UNC13C: variants seen among roughly 807,000 people sequenced by gnomAD.
UNC13C encodes unc-13 homolog C, also known as protein unc-13 homolog C.
UNC13C carries 174 observed loss-of-function variants against 245.4 expected under a neutral mutation model. The observed-to-expected ratio is 0.71, with a 90% confidence interval of 0.63 to 0.80. The LOEUF is 0.80. UNC13C is among the 30% of genes least tolerant of loss of function. The probability of loss-of-function intolerance (pLI) is 0.00; values close to 1 mark genes in which losing one functional copy is unlikely to be tolerated. For missense variants in UNC13C, 2,829 were observed against 2,602.9 expected, an observed-to-expected ratio of 1.09 and a Z score of -1.89; for synonymous variants, 992 against 895.1, an observed-to-expected ratio of 1.11 and a Z score of -1.93.
At chr15:54,492,451 C>A (rs996126505) in intron 19 of UNC13C, among the ~76,000 whole-genome samples, 2 of 151,846 alleles carry the variant, frequency 1.3e-5, no homozygotes, top group Non-Finnish European at 2.9e-5. Context: ...ATTAAATGGC[C>A]ATCTAGTTGG....
chr15:54,617,145 C>CCGT lies in UNC13C; in HGVS notation c.6107-5180_6107-5178dup, dbSNP rs200118731. ...CTAACACATTTTTCAGAATTTATGC[C>CCGT]CGTCATTAAGTGACATGTGACTGTA... is the stretch of plus-strand genomic sequence containing the variant. On this transcript the variant is annotated intron_variant, in intron 30 of 32. Coordinates refer to ENST00000260323, the MANE Select transcript of UNC13C (RefSeq NM_001080534.3). Among the ~76,000 whole-genome samples the CCGT allele has an allele frequency of 7.9e-3, 1,201 of 152,118 alleles. 11 individuals are homozygous for CCGT. The highest frequency in any genetic ancestry group is 0.028 in the African/African-American group (1,164 of 41,522).
At chr15:54,173,466 A>T (rs1199658892) in intron 4 of UNC13C, among the ~76,000 whole-genome samples, 2 of 152,060 alleles carry the variant, frequency 1.3e-5, no homozygotes, top group Non-Finnish European at 2.9e-5. Context: ...AAAGTATTTT[A>T]TAGTTTTGGA....
At chr15:54,469,664 A>T (rs1489013278) in intron 19 of UNC13C, among the ~76,000 whole-genome samples, 5 of 151,646 alleles carry the variant, frequency 3.3e-5, no homozygotes, top group African/African-American at 4.8e-5. Context: ...TCAGGGTAGT[A>T]CTTGGTACAC....
At chr15:54,544,210 T>C (rs1286116099) in intron 26 of UNC13C, among the ~76,000 whole-genome samples, 2 of 152,142 alleles carry the variant, frequency 1.3e-5, no homozygotes, top group Admixed American at 1.3e-4. Flanking sequence ...ATTATCTCAA[T>C]GGATGCAGAA....
At chr15:54,028,770 A>G (rs1595736366) in intron 2 of UNC13C, among the ~76,000 whole-genome samples, 1 of 133,772 alleles carries the variant, frequency 7.5e-6, no homozygotes, top group Non-Finnish European at 1.5e-5. Flanking sequence ...GGCTCACCGC[A>G]AGCTCCACCT....
At chr15:53,876,945 A>G in the UNC13C span, among the ~76,000 whole-genome samples, 1 of 152,164 alleles carries the variant, frequency 6.6e-6, no homozygotes, top group African/African-American at 2.4e-5. Flanking sequence ...GTGCCAAGAG[A>G]GTAAATCACG....
At chr15:53,853,046 A>C in the UNC13C span, among the ~76,000 whole-genome samples, 1 of 151,350 alleles carries the variant, frequency 6.6e-6, no homozygotes, top group Non-Finnish European at 1.5e-5. Context: ...ACAATGGTAC[A>C]TGTGTAGGAT....
chr15:54,516,799 C>CAAAAAAAAAA (rs59628073), intron 24 of UNC13C, among the ~76,000 whole-genome samples: 11 of 123,606 alleles, frequency 8.9e-5, no homozygotes, highest in East Asian at 2.3e-4. Context: ...GATGCTGTCT[C>CAAAAAAAAAA]AAAAAAAAAA....
chr15:53,945,730 T>G, the UNC13C span, among the ~76,000 whole-genome samples: 1 of 151,638 alleles, frequency 6.6e-6, no homozygotes, highest in Non-Finnish European at 1.5e-5. Context: ...TATTTGAGCT[T>G]TTTTTTTGGT....
At chr15:53,915,155 CA>C in the UNC13C span, among the ~76,000 whole-genome samples, 1 of 152,182 alleles carries the variant, frequency 6.6e-6, no homozygotes, top group Admixed American at 6.5e-5. Flanking sequence ...AAAACTGCCA[CA>C]GGGGCCTGTG....
chr15:54,187,340 A>G (rs185266575), intron 4 of UNC13C, among the ~76,000 whole-genome samples: 1 of 152,222 alleles, frequency 6.6e-6, no homozygotes, highest in African/African-American at 2.4e-5. Flanking sequence ...AGAGTGGGCT[A>G]TTTCAAAATG....
At chr15:54,462,778 C>T (rs967512537) in intron 19 of UNC13C, among the ~76,000 whole-genome samples, 64 of 152,308 alleles carry the variant, frequency 4.2e-4, no homozygotes, top group African/African-American at 1.3e-3. Context: ...CCCTGACGGG[C>T]GCCACCCCCT....
intron 19 of UNC13C, among the ~76,000 whole-genome samples, chr15:54,460,226 G>A (rs1302687958): frequency 2.0e-5 from 3 of 152,230 alleles, no homozygotes; most frequent in Admixed American, 2.0e-4. Flanking sequence ...TGTTTGTAAA[G>A]AGTCCTGTGA....
intron 17 of UNC13C, among the ~76,000 whole-genome samples, chr15:54,358,334 G>C (rs567942364): frequency 1.8e-4 from 27 of 152,062 alleles, no homozygotes; most frequent in African/African-American, 6.5e-4. Context: ...TTTTAGGATT[G>C]GTTTTTCTAT....
chr15:54,326,414 A>G (rs930810545), intron 14 of UNC13C, among the ~76,000 whole-genome samples: 12 of 152,232 alleles, frequency 7.9e-5, no homozygotes, highest in Admixed American at 7.2e-4. Flanking sequence ...AATTCTTGTG[A>G]CAGTGAGACT....
chr15:53,974,339 G>C (rs919764745), upstream of UNC13C, among the ~76,000 whole-genome samples: 1 of 152,140 alleles, frequency 6.6e-6, no homozygotes, highest in South Asian at 2.1e-4. Context: ...GACTCAACCC[G>C]TGTCCTTAGC....
At chr15:54,089,707 T>A (rs1349807637) in intron 2 of UNC13C, among the ~76,000 whole-genome samples, 1 of 151,580 alleles carries the variant, frequency 6.6e-6, no homozygotes, top group Non-Finnish European at 1.5e-5. Flanking sequence ...GCTGGTTGTG[T>A]GTTTGATGCA....
At chr15:53,977,677 A>G (rs896825575), upstream of UNC13C, among the ~76,000 whole-genome samples, 9 of 152,318 alleles carry the variant, frequency 5.9e-5, no homozygotes, top group African/African-American at 2.2e-4. Context: ...ATTTGTTTCA[A>G]CAGGAGGATT....
intron 2 of UNC13C, among the ~76,000 whole-genome samples, chr15:54,142,052 T>C (rs547384234): frequency 1.3e-5 from 2 of 152,330 alleles, no homozygotes; most frequent in African/African-American, 4.8e-5. Context: ...TGCCAACTTG[T>C]ATCCATAGAG....
Sources: gnomAD v4.1 joint callset for allele counts (sites outside exome capture counted in the v4.1 genomes callset) on GRCh38, gnomAD v4.1.1 for gene constraint, MANE v1.5 for transcripts, NCBI Gene and HGNC (gene_info 2026-07-23, HGNC 2026-07-21) for gene names.